TIAM2: variants seen among roughly 807,000 people sequenced by gnomAD.
The protein encoded by TIAM2 is rho guanine nucleotide exchange factor TIAM2.
Under a neutral mutation model 152.9 loss-of-function variants are expected in TIAM2, and 80 were observed. The ratio of observed to expected loss-of-function variants is 0.52; its 90% confidence interval spans 0.44 to 0.63. The LOEUF (loss-of-function observed/expected upper bound fraction) is 0.63. TIAM2 is among the 30% of genes least tolerant of loss of function. TIAM2 has a pLI of 0.00. For missense variants in TIAM2, 1,965 were observed against 2,120.1 expected (o/e 0.93, Z 1.44); for synonymous variants, 804 against 838.0 (o/e 0.96, Z 0.70).
rs542336033 is a variant in TIAM2, at chr6:155,016,072, CT to C, written c.-209+20581del. On this transcript the variant is annotated intron_variant, in intron 1 of 26. Coordinates refer to ENST00000682666, the MANE Select transcript of TIAM2 (RefSeq NM_012454.4). Reference sequence around the variant, plus strand: ...GCTGGCAGGGGATCTTCAAGCGTTGCTGGTGGGAATAACCATTCTGGAAAGA... The same window carrying C: ...GCTGGCAGGGGATCTTCAAGCGTTGCGGTGGGAATAACCATTCTGGAAAGA... Among the ~76,000 whole-genome samples, 20 of 150,908 alleles carry C rather than the reference CT, an allele frequency of 1.3e-4. No individual in the cohort carries two copies. The East Asian group carries it at 3.8e-3, about 28-fold the overall frequency.
intron 18 of TIAM2, 77 bp downstream of exon 18, chr6:155,244,860 GAGAA>G: frequency 6.8e-7 from 1 of 1,471,724 alleles, no homozygotes; most frequent in Non-Finnish European, 9.1e-7. Context: ...ATTCTCTCAT[GAGAA>G]AGAATTTCTT....
At chr6:155,024,654 A>T (rs116361322) in intron 1 of TIAM2, among the ~76,000 whole-genome samples, 72,843 of 144,822 alleles carry the variant, frequency 0.5, 18,084 homozygotes, top group East Asian at 0.57. Flanking sequence ...CATGTCTTTA[A>T]AAAAAAAAAA....
intron 1 of TIAM2, among the ~76,000 whole-genome samples, chr6:155,034,739 T>C (rs1482807639): frequency 6.6e-6 from 1 of 152,332 alleles, no homozygotes; most frequent in East Asian, 1.9e-4. Flanking sequence ...GCTAGGCTAG[T>C]TAACCTCTTT....
intron 14 of TIAM2, among the ~76,000 whole-genome samples, chr6:155,187,493 C>T (rs1781067619): frequency 6.6e-6 from 1 of 151,244 alleles, no homozygotes; most frequent in Admixed American, 6.6e-5. Context: ...AATGAAAATG[C>T]AGATTCCAGG....
intron 1 of TIAM2, among the ~76,000 whole-genome samples, chr6:154,997,229 G>A (rs995257721): frequency 1.1e-4 from 17 of 152,168 alleles, no homozygotes; most frequent in Non-Finnish European, 2.2e-4. Flanking sequence ...TTCTTAATGT[G>A]TCAGTCAAAT....
chr6:155,193,648 C>T (rs1361584935), intron 14 of TIAM2, among the ~76,000 whole-genome samples: 1 of 152,114 alleles, frequency 6.6e-6, no homozygotes, highest in Non-Finnish European at 1.5e-5. Flanking sequence ...ATATGTTTTT[C>T]CTCAATGCTA....
At chr6:155,017,503 T>TG (rs1372565956) in intron 1 of TIAM2, among the ~76,000 whole-genome samples, 1 of 81,448 alleles carries the variant, frequency 1.2e-5, no homozygotes, top group Non-Finnish European at 2.4e-5. Flanking sequence ...TACTCCATTT[T>TG]GTCTTTTTTT....
chr6:155,210,040 G>C (rs1781683832), intron 14 of TIAM2, among the ~76,000 whole-genome samples: 1 of 152,136 alleles, frequency 6.6e-6, no homozygotes. Flanking sequence ...AAACCATCTG[G>C]TTTCACCTAG....
chr6:155,164,693 G>A (rs1254056711), intron 8 of TIAM2, 93 bp downstream of exon 8: 12 of 1,463,514 alleles, frequency 8.2e-6, no homozygotes, highest in Non-Finnish European at 1.1e-5. Flanking sequence ...CACTTGTGGG[G>A]CTTGACCCAA....
chr6:155,228,372 T>C (rs2115260772), intron 15 of TIAM2, among the ~76,000 whole-genome samples: 1 of 152,336 alleles, frequency 6.6e-6, no homozygotes, highest in South Asian at 2.1e-4. Context: ...ATAATCTTTT[T>C]GGCGCTTTAT....
chr6:155,130,345 C>T lies in TIAM2; in HGVS notation c.1122C>T (p.Asp374=). ...KAFVEDTAKK[D]SLKARMRRIS... ...TTGTTGAGGATACTGCGAAGAAGGA[C>T]TCCCTCAAAGCCAGGATGCGACGGA... Residue 374 remains aspartate (D), a synonymous_variant, in exon 4 of 27, where the codon GAC becomes GAT. Transcript: ENST00000682666. 1 of 1,614,104 alleles carries T rather than the reference C, an allele frequency of 6.2e-7. No homozygotes were observed. Among genetic ancestry groups the T allele is most frequent in the Non-Finnish European group, 8.5e-7 (1 of 1,180,052 alleles).
intron 1 of TIAM2, among the ~76,000 whole-genome samples, chr6:155,019,985 G>A (rs1413602428): frequency 3.9e-5 from 6 of 152,238 alleles, no homozygotes; most frequent in African/African-American, 7.2e-5. Context: ...CCTGGAAGGC[G>A]GAGGTTGCAG....
At chr6:155,192,684 C>A (rs1029087129) in intron 14 of TIAM2, among the ~76,000 whole-genome samples, 1 of 149,712 alleles carries the variant, frequency 6.7e-6, no homozygotes, top group Non-Finnish European at 1.5e-5. Context: ...TACATTTTTG[C>A]AAATTTCTTT....
intron 14 of TIAM2, among the ~76,000 whole-genome samples, chr6:155,187,604 A>G (rs1238743088): frequency 8.9e-5 from 6 of 67,542 alleles, no homozygotes; most frequent in African/African-American, 3.2e-4. Context: ...TTTGAGATGA[A>G]GTTTTGCTCT....
intron 1 of TIAM2, among the ~76,000 whole-genome samples, chr6:155,079,210 C>T (rs567739532): frequency 3.9e-5 from 6 of 152,098 alleles, no homozygotes; most frequent in South Asian, 2.1e-4. Context: ...TACAGACACC[C>T]GCCACCATGC....
At chr6:155,230,537 G>A (rs1007056225) in intron 15 of TIAM2, among the ~76,000 whole-genome samples, 1 of 35,480 alleles carries the variant, frequency 2.8e-5, no homozygotes, top group African/African-American at 1.8e-4. Flanking sequence ...CAGACTCAAG[G>A]AGTGATTTGT....
chr6:155,114,257 G>A (rs1778957549), intron 2 of TIAM2, among the ~76,000 whole-genome samples: 1 of 151,286 alleles, frequency 6.6e-6, no homozygotes, highest in Non-Finnish European at 1.5e-5. Context: ...GTTTCACTGT[G>A]TTGGCCAGGC....
intron 23 of TIAM2, 133 bp downstream of exon 23, chr6:155,252,136 C>A: frequency 1.5e-6 from 1 of 660,464 alleles, no homozygotes; most frequent in South Asian, 1.9e-5. Context: ...TAACTAACCC[C>A]ATCACATACT....
chr6:155,064,530 TGA>T (rs1777648305), intron 1 of TIAM2, among the ~76,000 whole-genome samples: 1 of 152,220 alleles, frequency 6.6e-6, no homozygotes, highest in Non-Finnish European at 1.5e-5. Context: ...ATGAGAAGTG[TGA>T]GAGCCACCCG....
Sources: gnomAD v4.1 joint callset for allele counts (sites outside exome capture counted in the v4.1 genomes callset) on GRCh38, gnomAD v4.1.1 for gene constraint, MANE v1.5 for transcripts, NCBI Gene and HGNC (gene_info 2026-07-23, HGNC 2026-07-21) for gene names.